The following MUSK variants were observed in gnomAD, a reference collection of about 807,000 sequenced individuals.
The protein encoded by MUSK is muscle, skeletal receptor tyrosine-protein kinase.
A neutral mutation model predicts 88.7 loss-of-function variants in MUSK; 55 were observed. The observed-to-expected ratio is 0.62, with a 90% CI of 0.50 to 0.78. MUSK has a LOEUF of 0.78. Ranked by LOEUF, MUSK falls within the 30% of genes least tolerant of loss-of-function variation. The pLI is 0.00. For missense variants in MUSK, 1,015 were observed against 1,074.3 expected (o/e 0.94, Z 0.77); for synonymous variants, 387 against 391.9 (o/e 0.99, Z 0.15).
chr9:110,786,496 C>T (rs2077869315), intron 13 of MUSK, among the ~76,000 whole-genome samples: 1 of 151,972 alleles, frequency 6.6e-6, no homozygotes. Context: ...TGTGTCTTCA[C>T]TTCTACGATT....
At chr9:110,732,140 A>G (rs970783702) in intron 5 of MUSK, among the ~76,000 whole-genome samples, 5 of 152,122 alleles carry the variant, frequency 3.3e-5, no homozygotes, top group African/African-American at 1.2e-4. Context: ...ACAGTTTTCT[A>G]GCACATGTGA....
intron 7 of MUSK, among the ~76,000 whole-genome samples, chr9:110,760,732 T>TA (rs1213414325): frequency 3.9e-5 from 6 of 152,080 alleles, no homozygotes; most frequent in African/African-American, 1.4e-4. Context: ...AAATCAAAGT[T>TA]AAAATATTCT....
chr9:110,799,928 CA>C (rs946538979), intron 14 of MUSK, among the ~76,000 whole-genome samples: 10 of 152,126 alleles, frequency 6.6e-5, no homozygotes, highest in African/African-American at 2.4e-4. Context: ...GTGTTGTCAA[CA>C]AAAAACCAGG....
chr9:110,784,851 A>C lies in MUSK; in HGVS notation c.1421A>C (p.Asp474Ala). Residue 474 changes from aspartate to alanine, a missense_variant, in exon 12 of 15, where the codon GAC becomes GCC. Coordinates refer to ENST00000374448, the MANE Select transcript of MUSK (RefSeq NM_005592.4). ...ATGACGTCCTCAAAGCCAAGTGTGGACATTCCAAATCTGCCTTCCTCCTCC... is the reference window on the plus strand; with the variant it reads ...ATGACGTCCTCAAAGCCAAGTGTGGCCATTCCAAATCTGCCTTCCTCCTCC... The part of the protein sequence containing the change: ...PPMTSSKPSV[D>A]IPNLPSSSSS... 6.2e-7 allele frequency: 1 copy of C among 1,613,822 alleles called. No individual in the cohort carries two copies. The highest frequency in any genetic ancestry group is 1.1e-5 in the South Asian group (1 of 91,040).
chr9:110,712,159 GAAAAAA>G (rs35254603), intron 5 of MUSK, among the ~76,000 whole-genome samples: 1 of 141,828 alleles, frequency 7.1e-6, no homozygotes, highest in African/African-American at 2.7e-5. Flanking sequence ...TGTTTATTCT[GAAAAAA>G]AAAAAAAAAA....
At chr9:110,781,397 C>A (rs1033106950) in intron 11 of MUSK, among the ~76,000 whole-genome samples, 2 of 152,166 alleles carry the variant, frequency 1.3e-5, no homozygotes, top group Admixed American at 1.3e-4. Context: ...TTGCCTCAGC[C>A]TCCCGAGTAG....
chr9:110,681,326 T>C (rs193036484), intron 1 of MUSK, among the ~76,000 whole-genome samples: 2 of 149,232 alleles, frequency 1.3e-5, no homozygotes, highest in African/African-American at 4.9e-5. Context: ...ACTTTTTTAT[T>C]TACTCCTTTT....
At chr9:110,716,642 G>C (rs2076747101) in intron 5 of MUSK, among the ~76,000 whole-genome samples, 1 of 149,828 alleles carries the variant, frequency 6.7e-6, no homozygotes, top group Non-Finnish European at 1.5e-5. Context: ...TTTGAATGCT[G>C]CCCTCATAAT....
At chr9:110,674,106 C>T (rs1052206245) in intron 1 of MUSK, among the ~76,000 whole-genome samples, 1 of 151,876 alleles carries the variant, frequency 6.6e-6, no homozygotes, top group African/African-American at 2.4e-5. Flanking sequence ...ATTTGTTGCT[C>T]TTGTTTATTT....
In MUSK at chr9:110,785,518, T is replaced by G. The variant is rs966959288; in HGVS notation, c.1587-9T>G. The stretch of plus-strand genomic sequence containing the variant: ...AGCTCATTCCTGATCTTGCCTGTCT[T>G]GCCTGCAGAGAATCAGCAGCAGTAA... On this transcript the variant is annotated splice_polypyrimidine_tract_variant and intron_variant, in intron 12 of 14. Transcript: ENST00000374448. The G allele has an allele frequency of 3.8e-6, 6 of 1,592,428 alleles. No homozygotes were observed. The highest frequency in any genetic ancestry group is 5.1e-6 in the Non-Finnish European group (6 of 1,167,712).
chr9:110,787,781 C>G lies in MUSK; in HGVS notation c.1870C>G (p.Gln624Glu). 1 of 1,613,672 alleles carries G rather than the reference C, an allele frequency of 6.2e-7. No individual in the cohort carries two copies. Among genetic ancestry groups the G allele is most frequent in the Non-Finnish European group, 8.5e-7 (1 of 1,179,740 alleles). Reference sequence around the variant, plus strand: ...CTCGGCAGATATGCAAGCGGACTTTCAGAGGGAGGCAGCCCTCATGGCAGA... The same window carrying G: ...CTCGGCAGATATGCAAGCGGACTTTGAGAGGGAGGCAGCCCTCATGGCAGA... Reference protein sequence around the residue: ...EASADMQADFQREAALMAEFD... With the variant: ...EASADMQADFEREAALMAEFD... Residue 624 changes from glutamine to glutamate, a missense_variant, in exon 14 of 15, where the codon CAG (glutamine) becomes GAG (glutamate). Physicochemically the swap from Gln to Glu is conservative, Grantham distance 29. Coordinates refer to ENST00000374448, the MANE Select transcript of MUSK (RefSeq NM_005592.4).
intron 11 of MUSK, among the ~76,000 whole-genome samples, chr9:110,784,441 A>G (rs1449657221): frequency 6.6e-6 from 1 of 152,206 alleles, no homozygotes; most frequent in Non-Finnish European, 1.5e-5. Context: ...GTAAATGTAT[A>G]TAAAAGCTCA....
rs2075920987 is a variant in MUSK at position 110,668,819 on chromosome 9, A to G, written c.-86A>G. On this transcript the variant is annotated 5_prime_UTR_variant, in exon 1 of 15. Transcript: ENST00000374448. ...CATTAGCAGACAACCCTTTTGCAAC[A>G]AAGTATGCTTTAAAATGTAAACTGT... 1 of 1,060,278 alleles carries G rather than the reference A, an allele frequency of 9.4e-7. No homozygotes were observed. The highest frequency in any genetic ancestry group is 1.5e-6 in the Non-Finnish European group (1 of 684,764). 65.7% of individuals were successfully genotyped at this position (1,060,278 alleles called of 1,614,324 possible). A position where few individuals can be genotyped will look rare whatever the true frequency, so the allele number is the denominator to read the frequency against.
rs2076206983 is a variant in MUSK, at chr9:110,687,129, C to A, written c.219C>A (p.Thr73=). The A allele has an allele frequency of 6.2e-7, 1 of 1,613,180 alleles. No homozygotes were observed. The highest frequency in any genetic ancestry group is 8.5e-7 in the Non-Finnish European group (1 of 1,179,496). The change falls in exon 3 of 15, where the codon ACC becomes ACA. Residue 73 remains threonine (T), a synonymous_variant. Transcript: ENST00000374448. ...RNKILIKLFD[T]RYSIRENGQL... ...CTGTGACCTGCAGACTCTTTGACAC[C>A]CGGTACAGCATCCGGGAGAATGGGC...
rs1199276929 is a variant in MUSK at position 110,804,434 on chromosome 9, A to G, written c.*3446A>G. Among the ~76,000 whole-genome samples, 1 of 152,030 alleles carries G rather than the reference A, an allele frequency of 6.6e-6. No homozygotes were observed. Among genetic ancestry groups the G allele is most frequent in the Non-Finnish European group, 1.5e-5 (1 of 67,958 alleles). On this transcript the variant is annotated 3_prime_UTR_variant, in exon 15 of 15. Coordinates refer to ENST00000374448, the MANE Select transcript of MUSK (RefSeq NM_005592.4). ...CATAGATAATTTTCTGTTTTTTAGA[A>G]ATCTTTTGTCTCTTTGGTTATAGAA...
At chr9:110,713,492 T>C (rs1054530692) in intron 5 of MUSK, among the ~76,000 whole-genome samples, 1 of 152,142 alleles carries the variant, frequency 6.6e-6, no homozygotes, top group Admixed American at 6.6e-5. Context: ...GCTCCTGGCC[T>C]CAAGTGATCC....
intron 3 of MUSK, among the ~76,000 whole-genome samples, chr9:110,694,809 TAA>T (rs1587916808): frequency 1.3e-5 from 2 of 152,058 alleles, no homozygotes; most frequent in Non-Finnish European, 2.9e-5. Context: ...TCTGAAAGAT[TAA>T]AAGTGTTTGA....
At chr9:110,711,855 G>C (rs563774342) in intron 5 of MUSK, among the ~76,000 whole-genome samples, 34 of 152,290 alleles carry the variant, frequency 2.2e-4, no homozygotes, top group Non-Finnish European at 4.1e-4. Flanking sequence ...GGAAAATTGT[G>C]TGTTGTCATT....
chr9:110,697,908 G>GAA (rs138315579), intron 5 of MUSK, among the ~76,000 whole-genome samples: 11 of 148,492 alleles, frequency 7.4e-5, no homozygotes, highest in South Asian at 2.1e-4. Context: ...CACAAAGCTT[G>GAA]AAAAAAAAAA....
Sources: allele counts gnomAD v4.1 joint callset (sites outside exome capture counted in the v4.1 genomes callset), GRCh38; gene constraint gnomAD v4.1.1; transcripts MANE v1.5; gene names NCBI Gene and HGNC (gene_info 2026-07-23, HGNC 2026-07-21).